TMEM272: variants seen among roughly 807,000 people sequenced by gnomAD.
TMEM272 encodes the protein long intergenic non-protein coding RNA 282.
TMEM272 carries 8 observed loss-of-function variants against 3.7 expected under a neutral mutation model. That is an observed-to-expected ratio of 2.17 (90% CI 1.27 to 3.91). The LOEUF (loss-of-function observed/expected upper bound fraction) is 3.91, where lower values mean the gene tolerates loss of function less well. Ranked by LOEUF, TMEM272 falls within the 30% of genes most tolerant of loss-of-function variation. The probability of loss-of-function intolerance (pLI) is 0.00; values close to 1 mark genes in which losing one functional copy is unlikely to be tolerated. For missense variants in TMEM272, 166 were observed against 91.5 expected, an observed-to-expected ratio of 1.81 and a Z score of -3.32; for synonymous variants, 63 against 39.8, an observed-to-expected ratio of 1.58 and a Z score of -2.20.
At chr13:51,932,030 T>C in the TMEM272 span, among the ~76,000 whole-genome samples, 20 of 152,174 alleles carry the variant, frequency 1.3e-4, no homozygotes, top group Non-Finnish European at 2.9e-4. Flanking sequence ...CTATTTCCCT[T>C]TGAAGGAAGG....
At chr13:51,922,943 G>A in the TMEM272 span, among the ~76,000 whole-genome samples, 61 of 152,294 alleles carry the variant, frequency 4.0e-4, no homozygotes, top group Non-Finnish European at 7.6e-4. Context: ...GGATCCTCTT[G>A]CCATGTCAAG....
At chr13:51,874,919 G>A in the TMEM272 span, among the ~76,000 whole-genome samples, 2 of 152,204 alleles carry the variant, frequency 1.3e-5, no homozygotes, top group Non-Finnish European at 2.9e-5. Flanking sequence ...CAGCCTGACT[G>A]GGGTTGGATT....
At chr13:51,908,713 G>A in the TMEM272 span, 2 of 1,478,112 alleles carry the variant, frequency 1.4e-6, no homozygotes, top group African/African-American at 2.8e-5. Flanking sequence ...AAACTTCTGA[G>A]TTCTGCTAGT....
upstream of TMEM272, among the ~76,000 whole-genome samples, chr13:51,848,230 GA>G (rs1458631953): frequency 4.0e-4 from 61 of 152,248 alleles, 1 homozygote; most frequent in Non-Finnish European, 4.4e-5. Flanking sequence ...ACCACCACTG[GA>G]AATGCTGCCC....
At chr13:51,835,707 T>C (rs905779907) in intron 2 of TMEM272, among the ~76,000 whole-genome samples, 2 of 152,364 alleles carry the variant, frequency 1.3e-5, no homozygotes, top group African/African-American at 4.8e-5. Context: ...TTTCCCAGCC[T>C]AAATTCTAAA....
chr13:51,915,029 G>A, the TMEM272 span, among the ~76,000 whole-genome samples: 2 of 152,218 alleles, frequency 1.3e-5, no homozygotes, highest in Non-Finnish European at 2.9e-5. Context: ...CAAAAGTGAT[G>A]TTTAGAATGT....
the TMEM272 span, chr13:51,865,709 G>T: frequency 1.2e-6 from 2 of 1,614,206 alleles, no homozygotes; most frequent in Non-Finnish European, 1.7e-6. Context: ...CTGGGAAATG[G>T]AAAAGTCTTT....
rs75597616 is a variant in TMEM272, at chr13:51,821,812, C to A, written c.201+243G>T. Among the ~76,000 whole-genome samples, 258 of 152,162 alleles carry A rather than the reference C, an allele frequency of 1.7e-3. 1 individual carries two copies. Among genetic ancestry groups the A allele is most frequent in the Non-Finnish European group, 2.1e-3 (143 of 67,988 alleles). ...ATCAACTCTTGTCAGACCAAAGCCACAGCTTAGCACATTGAACTCAACAGC... is the reference window on the plus strand; with the variant it reads ...ATCAACTCTTGTCAGACCAAAGCCAAAGCTTAGCACATTGAACTCAACAGC... On this transcript the variant is annotated intron_variant, in intron 4 of 4. Coordinates refer to ENST00000629372, the MANE Select transcript of TMEM272 (RefSeq NM_001351003.2).
chr13:51,887,745 G>C, the TMEM272 span, among the ~76,000 whole-genome samples: 1 of 152,158 alleles, frequency 6.6e-6, no homozygotes, highest in Non-Finnish European at 1.5e-5. Context: ...GTAAATCCTT[G>C]AAGACTCTGC....
In TMEM272 at chr13:51,842,402, T is replaced by G. The variant is rs1435835789; in HGVS notation, c.-24+2614A>C. ...CAAAAGTCCAGAGATTTTTAAAAAG[T>G]AGCATGTAGGAGATAGATAAGCAGA... On this transcript the variant is annotated intron_variant, in intron 1 of 4. Coordinates refer to ENST00000629372, the MANE Select transcript of TMEM272 (RefSeq NM_001351003.2). Among the ~76,000 whole-genome samples the G allele has an allele frequency of 3.3e-5, 5 of 152,290 alleles. No homozygotes were observed. The East Asian group carries it at 9.6e-4, about 29-fold the overall frequency.
chr13:51,821,774 G>A (rs898176720), intron 4 of TMEM272, among the ~76,000 whole-genome samples: 13 of 149,858 alleles, frequency 8.7e-5, no homozygotes, highest in African/African-American at 3.2e-4. Context: ...CTGGCAGTCA[G>A]GGACTCCTCT....
the TMEM272 span, among the ~76,000 whole-genome samples, chr13:51,859,015 T>C: frequency 6.6e-6 from 1 of 152,188 alleles, no homozygotes; most frequent in Non-Finnish European, 1.5e-5. Flanking sequence ...ACTTCCAGAA[T>C]GACTGAGTAA....
At chr13:51,884,931 G>A in the TMEM272 span, among the ~76,000 whole-genome samples, 2 of 152,196 alleles carry the variant, frequency 1.3e-5, no homozygotes, top group African/African-American at 2.4e-5. Flanking sequence ...CTAGTCCATA[G>A]GGCTGGTGTA....
the TMEM272 span, among the ~76,000 whole-genome samples, chr13:51,922,064 C>CT: frequency 6.6e-6 from 1 of 152,216 alleles, no homozygotes; most frequent in South Asian, 2.1e-4. Flanking sequence ...CCTCACACCT[C>CT]TCTGCAGGCA....
At chr13:51,907,418 A>G in the TMEM272 span, among the ~76,000 whole-genome samples, 1 of 152,124 alleles carries the variant, frequency 6.6e-6, no homozygotes, top group Non-Finnish European at 1.5e-5. Flanking sequence ...TCGAGAGCTC[A>G]TGCCCCCAGC....
chr13:51,921,098 C>T, the TMEM272 span, among the ~76,000 whole-genome samples: 10 of 152,178 alleles, frequency 6.6e-5, no homozygotes, highest in Admixed American at 6.5e-4. Flanking sequence ...GAGTGCTGAC[C>T]CTGGTCAATA....
chr13:51,818,400 G>A (rs528084559), intron 4 of TMEM272, among the ~76,000 whole-genome samples: 1 of 152,310 alleles, frequency 6.6e-6, no homozygotes, highest in East Asian at 1.9e-4. Flanking sequence ...GGATGGAAAT[G>A]CAGGGTCTAG....
chr13:51,896,325 G>A, the TMEM272 span, among the ~76,000 whole-genome samples: 1 of 150,774 alleles, frequency 6.6e-6, no homozygotes, highest in African/African-American at 2.5e-5. Context: ...GGGTGTGTGT[G>A]TGTATGAGAG....
At chr13:51,847,300 G>A (rs1164363703), upstream of TMEM272, among the ~76,000 whole-genome samples, 1 of 152,170 alleles carries the variant, frequency 6.6e-6, no homozygotes, top group Non-Finnish European at 1.5e-5. Context: ...TCCACTTCCT[G>A]TCAGATCAGC....
Sources: gnomAD v4.1 joint callset for allele counts (sites outside exome capture counted in the v4.1 genomes callset) on GRCh38, gnomAD v4.1.1 for gene constraint, MANE v1.5 for transcripts, NCBI Gene and HGNC (gene_info 2026-07-23, HGNC 2026-07-21) for gene names.